ELAVL2: variants seen among roughly 807,000 people sequenced by gnomAD.
ELAVL2 encodes the protein ELAV like RNA binding protein 2.
Under a neutral mutation model 34.6 loss-of-function variants are expected in ELAVL2, and 4 were observed. That is an observed-to-expected ratio of 0.12 (90% CI 0.06 to 0.26). The LOEUF (loss-of-function observed/expected upper bound fraction) is 0.26. ELAVL2 is among the 10% of genes least tolerant of loss of function. The probability of loss-of-function intolerance (pLI) is 1.00; values close to 1 mark genes in which losing one functional copy is unlikely to be tolerated. For synonymous variants in ELAVL2, 193 were observed against 154.8 expected, an observed-to-expected ratio of 1.25 and a Z score of -1.83; for missense variants, 432 against 442.8, an observed-to-expected ratio of 0.98 and a Z score of 0.22.
chr9:23,803,982 C>A (rs2061891976), intron 1 of ELAVL2, among the ~76,000 whole-genome samples: 1 of 152,114 alleles, frequency 6.6e-6, no homozygotes, highest in Admixed American at 6.6e-5. Flanking sequence ...AAGGCAGGCA[C>A]TGAATGCTAA....
intron 1 of ELAVL2, among the ~76,000 whole-genome samples, chr9:23,789,306 T>G (rs1281112021): frequency 6.6e-6 from 1 of 152,116 alleles, no homozygotes; most frequent in Non-Finnish European, 1.5e-5. Context: ...AATGGTAAGG[T>G]GGAATGTATG....
chr9:23,836,032 C>T, the ELAVL2 span, among the ~76,000 whole-genome samples: 10 of 152,124 alleles, frequency 6.6e-5, no homozygotes, highest in Non-Finnish European at 1.3e-4. Context: ...CACAGAACAG[C>T]CAGTGCTGCT....
chr9:23,824,344 C>T (rs2065147131), intron 1 of ELAVL2, among the ~76,000 whole-genome samples: 2 of 152,184 alleles, frequency 1.3e-5, no homozygotes, highest in South Asian at 2.1e-4. Flanking sequence ...CGCGAGGTCT[C>T]GTCCGCCGCG....
intron 1 of ELAVL2, among the ~76,000 whole-genome samples, chr9:23,809,344 G>A (rs1037930410): frequency 6.6e-6 from 1 of 152,152 alleles, no homozygotes; most frequent in Non-Finnish European, 1.5e-5. Flanking sequence ...TTGGCATGAA[G>A]CTATTTCAGC....
chr9:23,826,587 T>C (rs959135193), upstream of ELAVL2, among the ~76,000 whole-genome samples: 1 of 152,212 alleles, frequency 6.6e-6, no homozygotes, highest in Non-Finnish European at 1.5e-5. Context: ...AAAAGAAATG[T>C]GGAGAGAGCA....
intron 3 of ELAVL2, among the ~76,000 whole-genome samples, chr9:23,714,989 A>G (rs1428369904): frequency 1.3e-5 from 2 of 152,176 alleles, no homozygotes; most frequent in Admixed American, 6.5e-5. Context: ...ACTGCCTCAA[A>G]GCTTCCTCCC....
chr9:23,754,705 C>T (rs745836959), intron 2 of ELAVL2, among the ~76,000 whole-genome samples: 11 of 152,108 alleles, frequency 7.2e-5, no homozygotes, highest in Non-Finnish European at 1.6e-4. Flanking sequence ...TCCGGTGATT[C>T]GCCTGCATTG....
the ELAVL2 span, among the ~76,000 whole-genome samples, chr9:23,835,763 G>T: frequency 6.6e-6 from 1 of 152,128 alleles, no homozygotes; most frequent in East Asian, 1.9e-4. Flanking sequence ...CAGTGAGTAA[G>T]TGAAATGGAA....
intron 1 of ELAVL2, among the ~76,000 whole-genome samples, chr9:23,765,579 C>T (rs2056058645): frequency 1.3e-5 from 2 of 152,060 alleles, no homozygotes; most frequent in South Asian, 2.1e-4. Flanking sequence ...TATATTTGCC[C>T]ACACTGTTAC....
At chr9:23,729,793 C>T (rs1232991256) in intron 3 of ELAVL2, among the ~76,000 whole-genome samples, 1 of 151,938 alleles carries the variant, frequency 6.6e-6, no homozygotes, top group South Asian at 2.1e-4. Flanking sequence ...GTGTCAAAAC[C>T]ACTCAGGGCT....
At chr9:23,768,241 C>CA (rs1321480027) in intron 1 of ELAVL2, among the ~76,000 whole-genome samples, 1 of 152,142 alleles carries the variant, frequency 6.6e-6, no homozygotes, top group Non-Finnish European at 1.5e-5. Flanking sequence ...CCTTGTCCCT[C>CA]AAACAGTCCA....
At chr9:23,721,855 T>C (rs1172808393) in intron 3 of ELAVL2, among the ~76,000 whole-genome samples, 3 of 152,232 alleles carry the variant, frequency 2.0e-5, no homozygotes, top group Non-Finnish European at 2.9e-5. Flanking sequence ...TAATATGTAA[T>C]ACATGAAACA....
At chr9:23,756,696 G>T (rs1484644507) in intron 2 of ELAVL2, among the ~76,000 whole-genome samples, 1 of 152,066 alleles carries the variant, frequency 6.6e-6, no homozygotes, top group Admixed American at 6.6e-5. Flanking sequence ...GCTGAAGAGG[G>T]GACAGCACTT....
chr9:23,695,525 A>T (rs1238945072), intron 5 of ELAVL2, among the ~76,000 whole-genome samples: 1 of 152,110 alleles, frequency 6.6e-6, no homozygotes, highest in Non-Finnish European at 1.5e-5. Flanking sequence ...AACAATGGGG[A>T]TATGTTCTGA....
At chr9:23,726,658 T>C (rs1320186735) in intron 3 of ELAVL2, among the ~76,000 whole-genome samples, 1 of 152,128 alleles carries the variant, frequency 6.6e-6, no homozygotes, top group African/African-American at 2.4e-5. Context: ...GATAATCACC[T>C]ATCCAGAGTT....
At chr9:23,777,244 C>T (rs2058356631) in intron 1 of ELAVL2, among the ~76,000 whole-genome samples, 1 of 152,198 alleles carries the variant, frequency 6.6e-6, no homozygotes, top group African/African-American at 2.4e-5. Context: ...CTACTTTAAT[C>T]TGAGATGGGT....
intron 3 of ELAVL2, among the ~76,000 whole-genome samples, chr9:23,715,998 G>A (rs1238181982): frequency 1.3e-5 from 2 of 152,090 alleles, no homozygotes; most frequent in East Asian, 3.9e-4. Context: ...AGGAGAAGTG[G>A]ATAAGACAAG....
chr9:23,794,619 A>C (rs1366243494), intron 1 of ELAVL2, among the ~76,000 whole-genome samples: 1 of 152,234 alleles, frequency 6.6e-6, no homozygotes, highest in Non-Finnish European at 1.5e-5. Flanking sequence ...TTTTTACATC[A>C]AATAACTACA....
intron 4 of ELAVL2, among the ~76,000 whole-genome samples, chr9:23,701,947 G>A (rs941373889): frequency 2.0e-5 from 3 of 152,004 alleles, no homozygotes; most frequent in Non-Finnish European, 2.9e-5. Context: ...ATAGTGTACC[G>A]GAGTTCCATT....
Sources: gnomAD v4.1 joint callset for allele counts (sites outside exome capture counted in the v4.1 genomes callset) on GRCh38, gnomAD v4.1.1 for gene constraint, MANE v1.5 for transcripts, NCBI Gene and HGNC (gene_info 2026-07-23, HGNC 2026-07-21) for gene names.